The following NNT variants were observed in gnomAD, a reference collection of about 807,000 sequenced individuals.
NNT encodes the protein nicotinamide nucleotide transhydrogenase.
NNT carries 50 observed loss-of-function variants against 104.8 expected under a neutral mutation model. The observed-to-expected ratio is 0.48, with a 90% CI of 0.38 to 0.60. The LOEUF is 0.60. Ranked by LOEUF, NNT falls within the 20% of genes least tolerant of loss-of-function variation. The probability of loss-of-function intolerance (pLI) is 0.00; values close to 1 mark genes in which losing one functional copy is unlikely to be tolerated. For missense variants in NNT, 1,131 were observed against 1,330.7 expected (o/e 0.85, Z 2.33); for synonymous variants, 461 against 490.4 (o/e 0.94, Z 0.79).
intron 19 of NNT, among the ~76,000 whole-genome samples, chr5:43,686,637 T>C (rs1477193428): frequency 6.6e-5 from 10 of 152,150 alleles, no homozygotes; most frequent in Non-Finnish European, 1.3e-4. Flanking sequence ...TATGCTTCTT[T>C]GTATTAAGTG....
At chr5:43,628,793 G>T (rs974731396) in intron 7 of NNT, among the ~76,000 whole-genome samples, 1 of 152,170 alleles carries the variant, frequency 6.6e-6, no homozygotes, top group Non-Finnish European at 1.5e-5. Context: ...TGCCATGTTG[G>T]CCAGGCTGGT....
chr5:43,675,547 G>T lies in NNT; in HGVS notation c.2671G>T (p.Gly891Cys), dbSNP rs1166380008. ...NRSLANVILGGYGTTSTAGGK... is the reference protein window; with the variant it reads ...NRSLANVILGCYGTTSTAGGK... ...CTCCCTGGCTAATGTGATTCTTGGA[G>T]GCTATGGCACCACTTCAACAGCTGG... Residue 891 changes from glycine (G) to cysteine (C), a missense_variant, in exon 18 of 22, where the codon GGC becomes TGC. Physicochemically the swap from Gly to Cys is radical, Grantham distance 159. Coordinates refer to ENST00000344920, the MANE Select transcript of NNT (RefSeq NM_182977.3). The T allele has an allele frequency of 6.2e-7, 1 of 1,612,550 alleles. No homozygotes were observed. The highest frequency in any genetic ancestry group is 8.5e-7 in the Non-Finnish European group (1 of 1,179,542).
At chr5:43,657,146 G>A (rs1244423583) in intron 16 of NNT, among the ~76,000 whole-genome samples, 1 of 152,152 alleles carries the variant, frequency 6.6e-6, no homozygotes, top group East Asian at 1.9e-4. Flanking sequence ...TATATGACAA[G>A]CCCTACAAAA....
At chr5:43,640,356 GA>G (rs1751163812) in intron 7 of NNT, among the ~76,000 whole-genome samples, 2 of 152,064 alleles carry the variant, frequency 1.3e-5, no homozygotes, top group African/African-American at 4.8e-5. Context: ...TACACTCCTT[GA>G]AAGACTGCCC....
chr5:43,664,955 C>T (rs189773571), intron 17 of NNT, among the ~76,000 whole-genome samples: 30 of 151,856 alleles, frequency 2.0e-4, no homozygotes, highest in Non-Finnish European at 4.0e-4. Flanking sequence ...TTTTTTTTCT[C>T]CCTAAGATGC....
intron 17 of NNT, chr5:43,666,888 C>A (rs1740729204): frequency 1.9e-6 from 3 of 1,545,350 alleles, no homozygotes; most frequent in Admixed American, 1.7e-5. Flanking sequence ...ACAGCCTGGG[C>A]CCCTTGGCAA....
intron 19 of NNT, among the ~76,000 whole-genome samples, chr5:43,696,951 G>A (rs920566062): frequency 1.3e-5 from 2 of 152,186 alleles, no homozygotes; most frequent in Non-Finnish European, 2.9e-5. Flanking sequence ...GGGAGGGCCT[G>A]TTGCAAAGGT....
At chr5:43,695,863 C>T (rs1347309495) in intron 19 of NNT, among the ~76,000 whole-genome samples, 1 of 152,126 alleles carries the variant, frequency 6.6e-6, no homozygotes, top group East Asian at 1.9e-4. Context: ...CTTATAAAAC[C>T]ACCAGTTCTC....
In NNT at chr5:43,700,232, T is replaced by G. The variant is rs767090807; in HGVS notation, c.2990T>G (p.Phe997Cys). ...GAAATGGATGAGATCAACCATGATT[T>G]TCCAGGTAAGTGGTGGGGGCAATTG... Reference protein sequence around the residue: ...VLEMDEINHDFPDTDLVLVIG... With the variant: ...VLEMDEINHDCPDTDLVLVIG... Residue 997 changes from phenylalanine (F) to cysteine (C), a missense_variant, in exon 20 of 22, where the codon TTT (phenylalanine) becomes TGT (cysteine). Phe to Cys is a radical substitution (Grantham distance 205). Transcript: ENST00000344920. The G allele has an allele frequency of 3.1e-6, 5 of 1,610,406 alleles. No homozygotes were observed. The highest frequency in any genetic ancestry group is 4.2e-6 in the Non-Finnish European group (5 of 1,177,288).
intron 17 of NNT, among the ~76,000 whole-genome samples, chr5:43,670,566 C>T (rs937613916): frequency 2.6e-5 from 4 of 152,264 alleles, no homozygotes; most frequent in Non-Finnish European, 4.4e-5. Context: ...GAGCAGGTTG[C>T]TCAGTTTCCA....
chr5:43,677,698 C>G, intron 18 of NNT, 27 bp from the exon 19 acceptor site: 1 of 1,583,676 alleles, frequency 6.3e-7, no homozygotes, highest in Non-Finnish European at 8.7e-7. Flanking sequence ...AAAACACATT[C>G]TTCTGTGTTC....
At chr5:43,641,911 T>C (rs1230890924) in intron 7 of NNT, among the ~76,000 whole-genome samples, 1 of 152,152 alleles carries the variant, frequency 6.6e-6, no homozygotes, top group Non-Finnish European at 1.5e-5. Flanking sequence ...TCTGTGGAGG[T>C]TGAATGAGTG....
chr5:43,646,308 C>T (rs142182083), intron 10 of NNT, among the ~76,000 whole-genome samples: 4 of 152,126 alleles, frequency 2.6e-5, no homozygotes, highest in African/African-American at 9.6e-5. Flanking sequence ...ATTTTTGAGA[C>T]AGAATCTTTT....
intron 17 of NNT, among the ~76,000 whole-genome samples, chr5:43,670,817 C>T (rs141609912): frequency 5.3e-5 from 8 of 152,158 alleles, no homozygotes; most frequent in East Asian, 1.9e-4. Flanking sequence ...TGCAGAGTCG[C>T]GTTAAACTCC....
intron 5 of NNT, among the ~76,000 whole-genome samples, chr5:43,622,119 A>G (rs1356839870): frequency 1.3e-5 from 2 of 152,216 alleles, no homozygotes; most frequent in Admixed American, 1.3e-4. Flanking sequence ...ATCTGTCAGC[A>G]ATTGGTTGCA....
At chr5:43,608,121 G>A (rs900041541) in intron 1 of NNT, among the ~76,000 whole-genome samples, 1 of 151,922 alleles carries the variant, frequency 6.6e-6, no homozygotes, top group African/African-American at 2.4e-5. Flanking sequence ...AGTAGAAACG[G>A]GGTTTCACCA....
In NNT at chr5:43,628,405, C is replaced by A; in HGVS notation, c.964+18C>A. The A allele has an allele frequency of 2.6e-6, 4 of 1,524,176 alleles. No individual in the cohort carries two copies. The highest frequency in any genetic ancestry group is 1.3e-5 in the South Asian group (1 of 78,896). The allele number at this position is 1,524,176 out of a possible 1,614,324, so 94.4% of individuals were successfully genotyped here. A position where few individuals can be genotyped will look rare whatever the true frequency, so the allele number is the denominator to read the frequency against. On this transcript the variant is annotated intron_variant, in intron 7 of 21. Coordinates refer to ENST00000344920, the MANE Select transcript of NNT (RefSeq NM_182977.3). ...TATTCCAGGTATGCCATTAAGTAAACGGTTATTTTAAAAGCACTTTTACTC... is the reference window on the plus strand; with the variant it reads ...TATTCCAGGTATGCCATTAAGTAAAAGGTTATTTTAAAAGCACTTTTACTC...
At chr5:43,670,415 A>G (rs1179090946) in intron 17 of NNT, among the ~76,000 whole-genome samples, 2 of 152,190 alleles carry the variant, frequency 1.3e-5, no homozygotes, top group Non-Finnish European at 2.9e-5. Flanking sequence ...TCTTGTGGGC[A>G]TTTAGTGCTA....
chr5:43,654,272 A>G lies in NNT; in HGVS notation c.2059+1059A>G, dbSNP rs183508065. ...GCAGTATTGCAGTGTGGAAATAAGC[A>G]AACGCTACAAATCTGGGCTTGATTT... On this transcript the variant is annotated intron_variant, in intron 14 of 21. Coordinates refer to ENST00000344920, the MANE Select transcript of NNT (RefSeq NM_182977.3). Among the ~76,000 whole-genome samples, 5 of 152,354 alleles carry G rather than the reference A, an allele frequency of 3.3e-5. No homozygotes were observed. The East Asian group carries it at 9.7e-4, about 29-fold the overall frequency.
Sources: allele counts gnomAD v4.1 joint callset (sites outside exome capture counted in the v4.1 genomes callset), GRCh38; gene constraint gnomAD v4.1.1; transcripts MANE v1.5; gene names NCBI Gene and HGNC (gene_info 2026-07-23, HGNC 2026-07-21).